XYLB: variants seen among roughly 807,000 people sequenced by gnomAD.
XYLB encodes xylulose kinase.
XYLB carries 62 observed loss-of-function variants against 78.7 expected under a neutral mutation model. The observed-to-expected ratio is 0.79, with a 90% CI of 0.64 to 0.97. The LOEUF is 0.97. XYLB is among the 50% of genes least tolerant of loss of function. XYLB has a pLI of 0.00. For missense variants in XYLB, 687 were observed against 676.8 expected, an observed-to-expected ratio of 1.02 and a Z score of -0.17; for synonymous variants, 245 against 247.4, an observed-to-expected ratio of 0.99 and a Z score of 0.09.
the XYLB span, chr3:38,452,945 A>T: frequency 6.6e-6 from 1 of 152,102 alleles, no homozygotes; most frequent in African/African-American, 2.4e-5. Context: ...GACAGAGGAC[A>T]ATTAATGTTA....
downstream of XYLB, among the ~76,000 whole-genome samples, chr3:38,415,311 T>C (rs973556861): frequency 6.6e-6 from 1 of 152,214 alleles, no homozygotes; most frequent in Non-Finnish European, 1.5e-5. Context: ...GGGACTATTA[T>C]ACTCACAACT....
intron 18 of XYLB, 62 bp from the exon 19 acceptor site, chr3:38,412,874 T>G: frequency 1.4e-6 from 2 of 1,432,064 alleles, no homozygotes; most frequent in South Asian, 1.3e-5. Context: ...AATTGCAAAG[T>G]GCAACCAGAT....
At chr3:38,402,987 C>T (rs576325977) in intron 18 of XYLB, among the ~76,000 whole-genome samples, 10 of 152,102 alleles carry the variant, frequency 6.6e-5, no homozygotes, top group African/African-American at 1.4e-4. Flanking sequence ...GTCATGTCAA[C>T]GTGATAAATT....
chr3:38,441,169 G>C, the XYLB span, among the ~76,000 whole-genome samples: 1 of 152,158 alleles, frequency 6.6e-6, no homozygotes. Context: ...TATTTAATGG[G>C]GGTTCCCCCA....
rs1706281130 is a variant in XYLB, at chr3:38,366,705, A to T, written c.508-103A>T. The T allele has an allele frequency of 1.9e-5, 15 of 778,780 alleles. No homozygotes were observed. The Middle Eastern group carries it at 9.3e-4, about 48-fold the overall frequency. 48.2% of individuals were successfully genotyped at this position (778,780 alleles called of 1,614,324 possible). On this transcript the variant is annotated intron_variant, in intron 6 of 18. Coordinates refer to ENST00000207870, the MANE Select transcript of XYLB (RefSeq NM_005108.4). ...GCTTACTTTTAAAAGCTTTTATGGT[A>T]CCTACTCCTATCCAGAGCATGCTAC...
At chr3:38,363,651 T>G (rs1706094438) in intron 4 of XYLB, among the ~76,000 whole-genome samples, 1 of 152,256 alleles carries the variant, frequency 6.6e-6, no homozygotes. Flanking sequence ...TATTCTCATC[T>G]GTCATAGGGT....
intron 2 of XYLB, among the ~76,000 whole-genome samples, chr3:38,358,089 G>A (rs1317998326): frequency 6.6e-6 from 1 of 150,434 alleles, no homozygotes; most frequent in Non-Finnish European, 1.5e-5. Context: ...CTTTGGTGCA[G>A]TATTGGTTAG....
At chr3:38,358,357 G>GTGTGT (rs774476552) in intron 2 of XYLB, among the ~76,000 whole-genome samples, 1 of 90,108 alleles carries the variant, frequency 1.1e-5, no homozygotes. Flanking sequence ...GTGTGTGTGT[G>GTGTGT]TTTGAGACAG....
the XYLB span, among the ~76,000 whole-genome samples, chr3:38,435,166 CTG>C: frequency 6.6e-6 from 1 of 152,078 alleles, no homozygotes; most frequent in Non-Finnish European, 1.5e-5. Context: ...GATGATCAAA[CTG>C]TATGTTGCTT....
chr3:38,436,721 GGGCTGGGTGTGGT>G, the XYLB span, among the ~76,000 whole-genome samples: 8 of 152,084 alleles, frequency 5.3e-5, no homozygotes, highest in African/African-American at 1.9e-4. Flanking sequence ...TAACACACCT[GGGCTGGGTGTGGT>G]GGCTCACACC....
downstream of XYLB, among the ~76,000 whole-genome samples, chr3:38,415,560 A>C (rs1232589355): frequency 2.0e-5 from 3 of 152,170 alleles, no homozygotes; most frequent in African/African-American, 7.2e-5. Flanking sequence ...AGGCAGGAAG[A>C]TCACCTGAGG....
At chr3:38,434,235 A>G in the XYLB span, among the ~76,000 whole-genome samples, 36 of 152,366 alleles carry the variant, frequency 2.4e-4, no homozygotes, top group Middle Eastern at 0.014. Flanking sequence ...GTGGGGACAC[A>G]GCCAAACCAT....
chr3:38,352,193 C>CT (rs57643431), intron 2 of XYLB, among the ~76,000 whole-genome samples: 4,125 of 151,296 alleles, frequency 0.027, 231 homozygotes, highest in East Asian at 0.22. Context: ...AGTGAAAAGT[C>CT]TTTTTTTTTC....
At chr3:38,357,775 A>T (rs183029976) in intron 2 of XYLB, among the ~76,000 whole-genome samples, 84 of 28,318 alleles carry the variant, frequency 3.0e-3, no homozygotes, top group African/African-American at 9.7e-3. Flanking sequence ...TTTGATTTGC[A>T]TTTATCTAAT....
In XYLB at chr3:38,397,134, G is replaced by A; in HGVS notation, c.1413G>A (p.Val471=). The A allele has an allele frequency of 1.9e-6, 3 of 1,614,094 alleles. No homozygotes were observed. Among genetic ancestry groups the A allele is most frequent in the Middle Eastern group, 1.6e-4 (1 of 6,062 alleles). The change falls in exon 17 of 19, where the codon GTG becomes GTA. Residue 471 remains valine (V), a synonymous_variant. Coordinates refer to ENST00000207870, the MANE Select transcript of XYLB (RefSeq NM_005108.4). Reference sequence around the variant, plus strand: ...TAGACACTGCCAACTCGGCCTGTGTGGGTTCTGCATACCGAGCTTTTCATG... The same window carrying A: ...TAGACACTGCCAACTCGGCCTGTGTAGGTTCTGCATACCGAGCTTTTCATG... ...YVIDTANSAC[V]GSAYRAFHGL... is the part of the protein sequence containing the mutation.
intron 15 of XYLB, among the ~76,000 whole-genome samples, chr3:38,387,036 T>C (rs1372205667): frequency 6.6e-6 from 1 of 152,206 alleles, no homozygotes; most frequent in Non-Finnish European, 1.5e-5. Flanking sequence ...GGGGTTTTCT[T>C]CTCTGGCTGA....
intron 15 of XYLB, among the ~76,000 whole-genome samples, chr3:38,393,960 TA>T (rs1396101511): frequency 3.9e-5 from 6 of 152,204 alleles, no homozygotes; most frequent in Non-Finnish European, 7.4e-5. Context: ...GTATAGCAAT[TA>T]TCCCCTCCTT....
chr3:38,406,617 A>G (rs566783996), intron 18 of XYLB, among the ~76,000 whole-genome samples: 50 of 152,376 alleles, frequency 3.3e-4, no homozygotes, highest in African/African-American at 1.1e-3. Context: ...CCAAAGGCAA[A>G]GAAGTTAAAA....
chr3:38,406,718 G>A (rs890301794), intron 18 of XYLB, among the ~76,000 whole-genome samples: 5 of 152,310 alleles, frequency 3.3e-5, no homozygotes, highest in Non-Finnish European at 7.3e-5. Flanking sequence ...GCCAAGGCTC[G>A]AGAACTATGT....
Sources: allele counts gnomAD v4.1 joint callset (sites outside exome capture counted in the v4.1 genomes callset), GRCh38; gene constraint gnomAD v4.1.1; transcripts MANE v1.5; gene names NCBI Gene and HGNC (gene_info 2026-07-23, HGNC 2026-07-21).